Variants in DOCK9 observed in about 807,000 individuals in gnomAD.
DOCK9 encodes dedicator of cytokinesis 9, also known as dedicator of cytokinesis protein 9.
Under a neutral mutation model 263.3 loss-of-function variants are expected in DOCK9, and 89 were observed. The ratio of observed to expected loss-of-function variants is 0.34; its 90% CI spans 0.28 to 0.40. The LOEUF is 0.40. Ranked by LOEUF, DOCK9 falls within the 10% of genes least tolerant of loss-of-function variation. DOCK9 has a pLI of 1.00. For synonymous variants in DOCK9, 976 were observed against 973.1 expected (o/e 1.00, Z -0.06); for missense variants, 2,140 against 2,603.4 (o/e 0.82, Z 3.87).
chr13:99,072,431 A>G (rs1027520264), intron 1 of DOCK9, among the ~76,000 whole-genome samples: 1 of 152,040 alleles, frequency 6.6e-6, no homozygotes, highest in Non-Finnish European at 1.5e-5. Context: ...TAATATCAAA[A>G]GAACTTTAAA....
intron 52 of DOCK9, 121 bp downstream of exon 52, chr13:98,796,994 G>T: frequency 1.9e-6 from 2 of 1,046,614 alleles, no homozygotes; most frequent in Non-Finnish European, 2.9e-6. Context: ...AGTGTGGTAT[G>T]CTACATTCTC....
intron 1 of DOCK9, among the ~76,000 whole-genome samples, chr13:99,003,340 G>A (rs914531411): frequency 6.6e-6 from 1 of 152,134 alleles, no homozygotes; most frequent in African/African-American, 2.4e-5. Context: ...TCAGCTCCAG[G>A]CTCCTTTCCC....
At chr13:98,914,076 T>C (rs529993953) in intron 9 of DOCK9, among the ~76,000 whole-genome samples, 2 of 152,196 alleles carry the variant, frequency 1.3e-5, no homozygotes, top group South Asian at 4.1e-4. Flanking sequence ...TGATGCAGTG[T>C]TAAGCATTAT....
At chr13:98,888,901 T>G (rs578208520) in intron 15 of DOCK9, among the ~76,000 whole-genome samples, 190 bp from the exon 16 acceptor site, 1 of 152,248 alleles carries the variant, frequency 6.6e-6, no homozygotes, top group East Asian at 1.9e-4. Flanking sequence ...CTCAACCCAA[T>G]AGGTCCAAAA....
At chr13:98,903,932 G>A (rs2048709444) in intron 10 of DOCK9, among the ~76,000 whole-genome samples, 1 of 152,096 alleles carries the variant, frequency 6.6e-6, no homozygotes, top group Middle Eastern at 3.2e-3. Context: ...AAAATAGGCA[G>A]GTTCACAGAG....
At chr13:98,969,583 CT>C (rs1282864055) in intron 1 of DOCK9, among the ~76,000 whole-genome samples, 2 of 152,180 alleles carry the variant, frequency 1.3e-5, no homozygotes, top group African/African-American at 4.8e-5. Flanking sequence ...TAAACCTTCA[CT>C]ACAATAAAGC....
chr13:99,032,892 T>C (rs1255984107), intron 1 of DOCK9, among the ~76,000 whole-genome samples: 1 of 152,154 alleles, frequency 6.6e-6, no homozygotes, highest in Non-Finnish European at 1.5e-5. Flanking sequence ...TCAGGAGTAG[T>C]GAGGTTACAC....
chr13:98,950,728 C>T (rs768625757), intron 2 of DOCK9, among the ~76,000 whole-genome samples: 21 of 152,218 alleles, frequency 1.4e-4, no homozygotes, highest in Non-Finnish European at 2.5e-4. Flanking sequence ...TTACTACTCA[C>T]TACCTTTCTC....
At chr13:99,015,351 A>G in intron 1 of DOCK9, 2 of 1,093,066 alleles carry the variant, frequency 1.8e-6, no homozygotes, top group Non-Finnish European at 2.5e-6. Flanking sequence ...CTACATACAT[A>G]TAAGTACACT....
rs1228575717 is a variant in DOCK9 at position 98,881,946 on chromosome 13, A to T, written c.2621T>A (p.Leu874Gln). 1 of 1,600,544 alleles carries T rather than the reference A, an allele frequency of 6.2e-7. No homozygotes were observed. The highest frequency in any genetic ancestry group is 1.7e-5 in the Admixed American group (1 of 58,212). ...IAFLPTILNQ[L>Q]FRVLTRATQE... The stretch of plus-strand genomic sequence containing the variant: ...TGTGGCTCTGGTGAGGACTCGGAAC[A>T]GCTGGTTTAGGATAGTGGGCAAGAA... The change falls in exon 24 of 53, where the codon CTG (leucine) becomes CAG (glutamine). Residue 874 changes from leucine to glutamine, a missense_variant. Physicochemically the swap from Leu to Gln is moderately radical, Grantham distance 113. This residue lies in a region of DOCK9 where 1,521 missense variants were observed against 1,741.7 expected (regional missense o/e 0.87). Transcript: ENST00000682017.
At chr13:98,795,606 T>G (rs1241150658) in intron 52 of DOCK9, among the ~76,000 whole-genome samples, 1 of 152,232 alleles carries the variant, frequency 6.6e-6, no homozygotes, top group Non-Finnish European at 1.5e-5. Flanking sequence ...TAGTGCCCAA[T>G]GTCGGCACCC....
intron 1 of DOCK9, among the ~76,000 whole-genome samples, chr13:98,997,545 G>A (rs1167946759): frequency 3.3e-5 from 5 of 152,182 alleles, no homozygotes; most frequent in Admixed American, 1.3e-4. Flanking sequence ...GACCAGTAGC[G>A]ATGTGAAATG....
At chr13:98,863,317 C>T (rs1028442062) in intron 31 of DOCK9, 53 bp downstream of exon 31, 7 of 1,583,536 alleles carry the variant, frequency 4.4e-6, no homozygotes, top group South Asian at 3.4e-5. Flanking sequence ...CTTTACACCA[C>T]TTAAAATAAA....
chr13:98,954,832 C>G (rs989726331), intron 2 of DOCK9, among the ~76,000 whole-genome samples: 1 of 150,836 alleles, frequency 6.6e-6, no homozygotes. Context: ...ACTAAATCAG[C>G]CCAGACAGAG....
intron 31 of DOCK9, 46 bp from the exon 32 acceptor site, chr13:98,863,178 A>T (rs1054597816): frequency 1.3e-6 from 2 of 1,553,086 alleles, no homozygotes; most frequent in African/African-American, 2.7e-5. Context: ...GATTCTGAGA[A>T]CCGAACTAAG....
At chr13:98,802,380 C>T (rs1187266010) in intron 49 of DOCK9, among the ~76,000 whole-genome samples, 8 of 152,166 alleles carry the variant, frequency 5.3e-5, no homozygotes, top group African/African-American at 1.9e-4. Context: ...GCATGAGAGT[C>T]CAAACTGGCT....
At chr13:98,999,695 A>G (rs569349833) in intron 1 of DOCK9, among the ~76,000 whole-genome samples, 1 of 152,294 alleles carries the variant, frequency 6.6e-6, no homozygotes, top group South Asian at 2.1e-4. Flanking sequence ...TAAAATTAAG[A>G]CCATTCCTGC....
chr13:98,832,814 T>A (rs1271315922), intron 39 of DOCK9, among the ~76,000 whole-genome samples: 1 of 152,144 alleles, frequency 6.6e-6, no homozygotes, highest in Non-Finnish European at 1.5e-5. Flanking sequence ...TAAAAAAAAA[T>A]GTCAAGAGGC....
chr13:99,075,008 G>T (rs2041852047), intron 1 of DOCK9, among the ~76,000 whole-genome samples: 1 of 152,130 alleles, frequency 6.6e-6, no homozygotes, highest in Admixed American at 6.5e-5. Context: ...ATTTTATGTA[G>T]TTATGATTTA....
Sources: gnomAD v4.1 joint callset for allele counts (sites outside exome capture counted in the v4.1 genomes callset) on GRCh38, gnomAD v4.1.1 for gene constraint, gnomAD v4.1.1 regional missense constraint, MANE v1.5 for transcripts, NCBI Gene and HGNC (gene_info 2026-07-23, HGNC 2026-07-21) for gene names.